Variants in ODAD2 observed in about 807,000 individuals in gnomAD.
The protein encoded by ODAD2 is outer dynein arm docking complex subunit 2, also known as outer dynein arm-docking complex subunit 2.
ODAD2 carries 89 observed loss-of-function variants against 106.8 expected under a neutral mutation model. The ratio of observed to expected loss-of-function variants is 0.83; its 90% CI spans 0.70 to 0.99. The LOEUF (loss-of-function observed/expected upper bound fraction) is 0.99, where lower values mean the gene tolerates loss of function less well. ODAD2 is among the 50% of genes least tolerant of loss of function. The pLI is 0.00. For synonymous variants in ODAD2, 404 were observed against 436.2 expected (o/e 0.93, Z 0.92); for missense variants, 1,168 against 1,238.5 (o/e 0.94, Z 0.85).
At chr10:27,972,692 T>C (rs899546723) in intron 7 of ODAD2, among the ~76,000 whole-genome samples, 2 of 152,170 alleles carry the variant, frequency 1.3e-5, no homozygotes, top group African/African-American at 2.4e-5. Context: ...GGAGCACACA[T>C]ACTAATAGAG....
chr10:27,877,435 A>G (rs1041661), intron 17 of ODAD2, among the ~76,000 whole-genome samples: 2,002 of 151,916 alleles, frequency 0.013, 42 homozygotes, highest in African/African-American at 0.045. Flanking sequence ...CTTCCTAATG[A>G]CTCCTAATCT....
chr10:27,833,962 G>T (rs568503785), intron 19 of ODAD2, among the ~76,000 whole-genome samples: 1 of 152,312 alleles, frequency 6.6e-6, no homozygotes, highest in African/African-American at 2.4e-5. Context: ...AAAGGACAGC[G>T]GTGAAGGTTC....
In ODAD2 at chr10:27,987,394, C is replaced by T; in HGVS notation, c.374G>A (p.Cys125Tyr). The T allele has an allele frequency of 6.2e-7, 1 of 1,612,938 alleles. No individual in the cohort carries two copies. The highest frequency in any genetic ancestry group is 1.1e-5 in the South Asian group (1 of 90,736). Residue 125 changes from cysteine (C) to tyrosine (Y), a missense_variant, in exon 3 of 20, where the codon TGT becomes TAT. By Grantham distance (194) the Cys-to-Tyr change is radical (BLOSUM62 -2). This residue lies in a region of ODAD2 where 430 missense variants were observed against 452.2 expected (regional missense o/e 0.95). Transcript: ENST00000305242. ...TGGAGCATTAAGATCACCTTCAACA[C>T]ATGCTTGGGCTTCCTTCAACTTCCC... Reference protein sequence around the residue: ...KTGKLKEAQACVEANRDPIVK... With the variant: ...KTGKLKEAQAYVEANRDPIVK...
At chr10:27,854,891 G>C (rs1839551793) in intron 19 of ODAD2, among the ~76,000 whole-genome samples, 1 of 152,196 alleles carries the variant, frequency 6.6e-6, no homozygotes, top group Non-Finnish European at 1.5e-5. Context: ...TAAGTAAGCT[G>C]AGTGAAGGAA....
At chr10:27,957,747 ACT>A (rs1847835331) in intron 10 of ODAD2, among the ~76,000 whole-genome samples, 1 of 152,098 alleles carries the variant, frequency 6.6e-6, no homozygotes, top group South Asian at 2.1e-4. Flanking sequence ...TTAAATACAA[ACT>A]CTATTTATGT....
chr10:27,938,684 C>A (rs1274616201), intron 14 of ODAD2, among the ~76,000 whole-genome samples: 1 of 151,772 alleles, frequency 6.6e-6, no homozygotes, highest in African/African-American at 2.4e-5. Context: ...ACTGCAACCT[C>A]CACCTCCCAG....
chr10:27,842,929 G>A (rs1838417278), intron 19 of ODAD2, among the ~76,000 whole-genome samples: 1 of 152,168 alleles, frequency 6.6e-6, no homozygotes, highest in Non-Finnish European at 1.5e-5. Flanking sequence ...CACATGTCCA[G>A]AATGCTCATA....
chr10:27,984,727 T>A (rs1423797823), intron 4 of ODAD2, among the ~76,000 whole-genome samples: 6 of 152,290 alleles, frequency 3.9e-5, no homozygotes, highest in Middle Eastern at 6.8e-3. Flanking sequence ...TTTTTAGAAC[T>A]GGAATAAATG....
In ODAD2 at chr10:27,923,322, T is replaced by C. The variant is rs551729276; in HGVS notation, c.2495+11688A>G. 6.4e-5 allele frequency among the ~76,000 whole-genome samples: 8 copies of C among 124,992 alleles called. No individual in the cohort carries two copies. The East Asian group carries it at 1.6e-3, about 25-fold the overall frequency. 82.0% of individuals were successfully genotyped at this position (124,992 alleles called of 152,430 possible). ...TGTAGATCAAGATATATCAAGCAAATGGAAACAGTAAGAAAGCAGGGATAA... is the reference window on the plus strand; with the variant it reads ...TGTAGATCAAGATATATCAAGCAAACGGAAACAGTAAGAAAGCAGGGATAA... On this transcript the variant is annotated intron_variant, in intron 16 of 19. Transcript: ENST00000305242.
chr10:27,860,664 G>A lies in ODAD2; in HGVS notation c.2982C>T (p.Ala994=), dbSNP rs148295264. The change falls in exon 19 of 20, where the codon GCC becomes GCT. Residue 994 remains alanine (A), a synonymous_variant. Transcript: ENST00000305242. ...TCTCATGCATGGTGATGCAGTTATC[G>A]GCGTCTTCTGAGAGTTGGTACAAGG... is the stretch of plus-strand genomic sequence containing the variant. The part of the protein sequence containing the change: ...AQALYQLSED[A]DNCITMHENG... The A allele has an allele frequency of 2.7e-3, 4,343 of 1,613,988 alleles. 8 individuals are homozygous for A. Among genetic ancestry groups the A allele is most frequent in the Non-Finnish European group, 3.4e-3 (4,027 of 1,179,990 alleles).
intron 17 of ODAD2, among the ~76,000 whole-genome samples, chr10:27,873,801 G>A (rs1356400223): frequency 7.9e-5 from 12 of 152,332 alleles, no homozygotes; most frequent in East Asian, 1.9e-4. Context: ...TGGAATAAGT[G>A]TGATGTGGTG....
At chr10:27,874,057 A>G (rs543650577) in intron 17 of ODAD2, among the ~76,000 whole-genome samples, 1 of 152,178 alleles carries the variant, frequency 6.6e-6, no homozygotes, top group Non-Finnish European at 1.5e-5. Flanking sequence ...GGGTGCATAT[A>G]TATTTAGGAT....
At chr10:27,916,045 T>G (rs1478781174) in intron 16 of ODAD2, among the ~76,000 whole-genome samples, 2 of 152,000 alleles carry the variant, frequency 1.3e-5, no homozygotes, top group Non-Finnish European at 2.9e-5. Flanking sequence ...CTAAATAGAG[T>G]GATTGAAGCA....
Position 27,812,244 on chromosome 10 carries a change from G to A in ODAD2, c.*268C>T, listed in dbSNP as rs910300575. On this transcript the variant is annotated 3_prime_UTR_variant, in exon 20 of 20. Coordinates refer to ENST00000305242, the MANE Select transcript of ODAD2 (RefSeq NM_018076.5). The stretch of plus-strand genomic sequence containing the variant: ...ACTGAACTAAAAATACATCATATAC[G>A]TATATTCTCATATTCTTAGAAACTT... 2.2e-4 allele frequency: 92 copies of A among 421,120 alleles called. No individual in the cohort carries two copies. Among genetic ancestry groups the A allele is most frequent in the East Asian group, 9.5e-4 (17 of 17,842 alleles). The allele number at this position is 421,120 out of a possible 1,614,324, so 26.1% of individuals were successfully genotyped here.
At chr10:27,994,719 A>T (rs897150708) in intron 2 of ODAD2, among the ~76,000 whole-genome samples, 200 bp downstream of exon 2, 11 of 152,136 alleles carry the variant, frequency 7.2e-5, no homozygotes, top group Admixed American at 2.0e-4. Flanking sequence ...TAATTTGAAA[A>T]ATTTAAAACT....
At chr10:27,831,760 C>G (rs1032368312) in intron 19 of ODAD2, among the ~76,000 whole-genome samples, 5 of 152,238 alleles carry the variant, frequency 3.3e-5, no homozygotes, top group Non-Finnish European at 5.9e-5. Context: ...GGCCCTTTGG[C>G]CATCATGCTC....
In ODAD2 at chr10:27,969,271, G is replaced by A. The variant is rs143253808; in HGVS notation, c.1143-253C>T. Among the ~76,000 whole-genome samples, 1,374 of 151,856 alleles carry A rather than the reference G, an allele frequency of 9.0e-3. 27 individuals are homozygous for A. The highest frequency in any genetic ancestry group is 0.032 in the African/African-American group (1,310 of 41,202). On this transcript the variant is annotated intron_variant, in intron 8 of 19. Transcript: ENST00000305242. ...CAGGTCTTCACAGGCTGCCACTGTT[G>A]GTGTGAATCCTGCACCCGATGCCTT... is the stretch of plus-strand genomic sequence containing the variant.
At chr10:27,954,908 T>C (rs1241784200) in intron 10 of ODAD2, among the ~76,000 whole-genome samples, 1 of 152,220 alleles carries the variant, frequency 6.6e-6, no homozygotes, top group East Asian at 1.9e-4. Context: ...CTTCTTATAC[T>C]ACAATATCTA....
intron 7 of ODAD2, among the ~76,000 whole-genome samples, chr10:27,974,693 T>TG (rs1277868552): frequency 1.3e-5 from 2 of 151,672 alleles, no homozygotes; most frequent in South Asian, 2.1e-4. Flanking sequence ...GTTTTTGTTT[T>TG]TTTTTTTTTT....
Sources: gnomAD v4.1 joint callset for allele counts (sites outside exome capture counted in the v4.1 genomes callset) on GRCh38, gnomAD v4.1.1 for gene constraint, gnomAD v4.1.1 regional missense constraint, MANE v1.5 for transcripts, NCBI Gene and HGNC (gene_info 2026-07-23, HGNC 2026-07-21) for gene names.